The following SRD5A2 variants were observed in gnomAD, a reference collection of about 807,000 sequenced individuals.
The protein encoded by SRD5A2 is 3-oxo-5-alpha-steroid 4-dehydrogenase 2.
In SRD5A2, 30 loss-of-function variants were observed where a neutral mutation model predicts 27.4. The ratio of observed to expected loss-of-function variants is 1.10; its 90% CI spans 0.82 to 1.49. The LOEUF (loss-of-function observed/expected upper bound fraction) is 1.49, where lower values mean the gene tolerates loss of function less well. Ranked by LOEUF, SRD5A2 falls within the 40% of genes most tolerant of loss-of-function variation. The probability of loss-of-function intolerance (pLI) is 0.00; values close to 1 mark genes in which losing one functional copy is unlikely to be tolerated. For missense variants in SRD5A2, 348 were observed against 323.4 expected (o/e 1.08, Z -0.58); for synonymous variants, 141 against 133.6 (o/e 1.06, Z -0.38).
At chr2:31,630,682 T>C in the SRD5A2 span, among the ~76,000 whole-genome samples, 1 of 152,224 alleles carries the variant, frequency 6.6e-6, no homozygotes, top group Non-Finnish European at 1.5e-5. Flanking sequence ...ATCTCACCAA[T>C]TCAGAATTAT....
Position 31,523,250 on chromosome 2 carries a change from C to T in SRD5A2, c.*2946G>A, listed in dbSNP as rs187438485. On this transcript the variant is annotated 3_prime_UTR_variant, in exon 5 of 5. Transcript: ENST00000622030. The stretch of plus-strand genomic sequence containing the variant: ...AAAGGGCATGAGCCTGGTGCTCCCA[C>T]GGAGCGAGGGAAGCCTCACACACAA... The T allele has an allele frequency of 1.0e-4, 22 of 216,194 alleles. No homozygotes were observed. The highest frequency in any genetic ancestry group is 2.7e-4 in the African/African-American group (12 of 44,526). 13.4% of individuals were successfully genotyped at this position (216,194 alleles called of 1,614,324 possible).
In SRD5A2 at chr2:31,523,157, C is replaced by T. The variant is rs548891383; in HGVS notation, c.*3039G>A. ...TATGACCTGAAACCTTTTTTCCATG[C>T]TGAACACACATGTTGTCTTGACTAC... On this transcript the variant is annotated 3_prime_UTR_variant, in exon 5 of 5. Coordinates refer to ENST00000622030, the MANE Select transcript of SRD5A2 (RefSeq NM_000348.4). The T allele has an allele frequency of 8.1e-4, 174 of 215,842 alleles. No homozygotes were observed. The highest frequency in any genetic ancestry group is 3.5e-3 in the African/African-American group (154 of 44,418). 13.4% of individuals were successfully genotyped at this position (215,842 alleles called of 1,614,324 possible).
chr2:31,628,169 T>C, the SRD5A2 span, among the ~76,000 whole-genome samples: 1 of 152,292 alleles, frequency 6.6e-6, no homozygotes, highest in South Asian at 2.1e-4. Context: ...GTGGGGTGCA[T>C]ATATAGTTAG....
chr2:31,626,202 G>T, the SRD5A2 span, among the ~76,000 whole-genome samples: 1 of 152,152 alleles, frequency 6.6e-6, no homozygotes, highest in African/African-American at 2.4e-5. Flanking sequence ...TTTCCACATT[G>T]ATTTTGTATC....
the SRD5A2 span, among the ~76,000 whole-genome samples, chr2:31,652,066 C>T: frequency 6.6e-6 from 1 of 152,186 alleles, no homozygotes; most frequent in African/African-American, 2.4e-5. Flanking sequence ...GGAGGCAATC[C>T]TCCCACCTTA....
the SRD5A2 span, among the ~76,000 whole-genome samples, chr2:31,617,486 C>A: frequency 6.6e-6 from 1 of 152,224 alleles, no homozygotes; most frequent in Non-Finnish European, 1.5e-5. Context: ...ATGCAAATTT[C>A]TGCAGCAGGC....
the SRD5A2 span, among the ~76,000 whole-genome samples, chr2:31,589,295 C>T: frequency 6.6e-6 from 1 of 152,226 alleles, no homozygotes; most frequent in East Asian, 1.9e-4. Flanking sequence ...TCATCCACCA[C>T]CTCATCCAGT....
the SRD5A2 span, among the ~76,000 whole-genome samples, chr2:31,636,226 C>A: frequency 2.6e-5 from 4 of 151,830 alleles, no homozygotes; most frequent in South Asian, 2.1e-4. Flanking sequence ...CAGAGTTTTA[C>A]AGTTGTTCTT....
At chr2:31,634,359 A>G in the SRD5A2 span, among the ~76,000 whole-genome samples, 63 of 152,288 alleles carry the variant, frequency 4.1e-4, 1 homozygote, top group South Asian at 0.011. Flanking sequence ...TAGAGCATCT[A>G]AAGCTGTGGA....
chr2:31,600,543 A>G, the SRD5A2 span, among the ~76,000 whole-genome samples: 1 of 151,934 alleles, frequency 6.6e-6, no homozygotes, highest in Non-Finnish European at 1.5e-5. Context: ...CTGGTGTGAG[A>G]TGGTATCTCG....
Position 31,532,361 on chromosome 2 carries a change from TCACACACACACACACA to T in SRD5A2, c.446-905_446-890del, listed in dbSNP as rs35752905. On this transcript the variant is annotated intron_variant, in intron 2 of 4. Coordinates refer to ENST00000622030, the MANE Select transcript of SRD5A2 (RefSeq NM_000348.4). The stretch of plus-strand genomic sequence containing the variant: ...CAAACTGACTTCCATCACTGCCAGT[TCACACACACACACACA>T]CACACACACACACACACACACATTC... Among the ~76,000 whole-genome samples the T allele has an allele frequency of 5.8e-3, 838 of 143,798 alleles. 6 individuals carry two copies. The highest frequency in any genetic ancestry group is 9.2e-3 in the Admixed American group (132 of 14,282). 94.3% of individuals were successfully genotyped at this position (143,798 alleles called of 152,430 possible). A position where few individuals can be genotyped will look rare whatever the true frequency, so the allele number is the denominator to read the frequency against.
rs568715649 is a variant in SRD5A2, at chr2:31,557,966, G to A, written c.281+22654C>T. Among the ~76,000 whole-genome samples, 60 of 152,258 alleles carry A rather than the reference G, an allele frequency of 3.9e-4. 1 individual carries two copies. Among genetic ancestry groups the A allele is most frequent in the African/African-American group, 1.3e-3 (52 of 41,546 alleles). The stretch of plus-strand genomic sequence containing the variant: ...ACTAGTGCTATCTCACTTTCAGATC[G>A]GCACTATGAAGCACTTTAGAAACTA... On this transcript the variant is annotated intron_variant, in intron 1 of 4. Transcript: ENST00000622030.
chr2:31,589,532 G>T, the SRD5A2 span, among the ~76,000 whole-genome samples: 2 of 152,320 alleles, frequency 1.3e-5, no homozygotes, highest in South Asian at 4.1e-4. Flanking sequence ...CTCCATTGGG[G>T]AAAGACTCTC....
At chr2:31,639,517 A>G in the SRD5A2 span, among the ~76,000 whole-genome samples, 54 of 152,104 alleles carry the variant, frequency 3.6e-4, no homozygotes, top group African/African-American at 1.3e-3. Context: ...GTATTTTTTT[A>G]TACGAAAGGA....
At chr2:31,549,019 A>C (rs1341187131) in intron 1 of SRD5A2, among the ~76,000 whole-genome samples, 1 of 151,514 alleles carries the variant, frequency 6.6e-6, no homozygotes, top group Non-Finnish European at 1.5e-5. Flanking sequence ...GGTAGTTAAA[A>C]GTAGTCAAAA....
rs750121295 is a variant in SRD5A2, at chr2:31,531,462, TAAG to T, written c.453_455del (p.Phe151del). On this transcript the variant is annotated inframe_deletion, in exon 3 of 5. Coordinates refer to ENST00000622030, the MANE Select transcript of SRD5A2 (RefSeq NM_000348.4). ...TGTTTATTCCCATTCCCAAAATAAA[TAAG>T]AAGACACCTTGACAAAGAAGAGAGA... 1.3e-6 allele frequency: 2 copies of T among 1,591,056 alleles called. No homozygotes were observed. The highest frequency in any genetic ancestry group is 1.7e-6 in the Non-Finnish European group (2 of 1,168,068).
At chr2:31,539,471 C>T (rs1666089358) in intron 1 of SRD5A2, among the ~76,000 whole-genome samples, 2 of 152,212 alleles carry the variant, frequency 1.3e-5, no homozygotes, top group Admixed American at 1.3e-4. Context: ...GTGCAGAAGC[C>T]TGTGCTTCCC....
intron 1 of SRD5A2, among the ~76,000 whole-genome samples, chr2:31,552,741 G>T (rs1039013361): frequency 3.3e-5 from 5 of 152,174 alleles, no homozygotes; most frequent in Admixed American, 1.3e-4. Flanking sequence ...TATGTGAGAG[G>T]CTCTCCAAAT....
At chr2:31,566,596 G>T (rs1355710976) in intron 1 of SRD5A2, among the ~76,000 whole-genome samples, 1 of 152,190 alleles carries the variant, frequency 6.6e-6, no homozygotes, top group Non-Finnish European at 1.5e-5. Flanking sequence ...TAACATGATT[G>T]CATGTTAAGG....
Sources: allele counts gnomAD v4.1 joint callset (sites outside exome capture counted in the v4.1 genomes callset), GRCh38; gene constraint gnomAD v4.1.1; transcripts MANE v1.5; gene names NCBI Gene and HGNC (gene_info 2026-07-23, HGNC 2026-07-21).